RBFOX1: variants seen among roughly 807,000 people sequenced by gnomAD.
The protein encoded by RBFOX1 is RNA binding fox-1 homolog 1.
Under a neutral mutation model 57.7 loss-of-function variants are expected in RBFOX1, and 8 were observed. That is an observed-to-expected ratio of 0.14 (90% CI 0.08 to 0.25). RBFOX1 has a LOEUF of 0.25. Among genes scored for constraint, RBFOX1 ranks in the 10% least tolerant of loss-of-function variants. The probability of loss-of-function intolerance (pLI) is 1.00; values close to 1 mark genes in which losing one functional copy is unlikely to be tolerated. For synonymous variants in RBFOX1, 326 were observed against 222.4 expected, an observed-to-expected ratio of 1.47 and a Z score of -4.15; for missense variants, 611 against 548.5, an observed-to-expected ratio of 1.11 and a Z score of -1.14.
chr16:5,687,818 A>G (rs564482605), intron 3 of RBFOX1, among the ~76,000 whole-genome samples: 68 of 152,268 alleles, frequency 4.5e-4, no homozygotes, highest in African/African-American at 1.4e-3. Context: ...TATGGTCTCA[A>G]TGTTAGGTGG....
chr16:5,793,241 CTTTTGCCCACCGTGG>C (rs556636277), intron 3 of RBFOX1, among the ~76,000 whole-genome samples: 1 of 152,360 alleles, frequency 6.6e-6, no homozygotes, highest in Non-Finnish European at 1.5e-5. Flanking sequence ...TGACCGGCTC[CTTTTGCCCACCGTGG>C]GCAGCCCTGG....
intron 4 of RBFOX1, among the ~76,000 whole-genome samples, chr16:7,256,871 A>G (rs915413345): frequency 6.6e-6 from 1 of 152,088 alleles, no homozygotes; most frequent in Non-Finnish European, 1.5e-5. Context: ...TATCCCCACT[A>G]GGGCATCTGA....
intron 3 of RBFOX1, among the ~76,000 whole-genome samples, chr16:5,834,161 T>C (rs1316919347): frequency 6.6e-6 from 1 of 152,190 alleles, no homozygotes; most frequent in Non-Finnish European, 1.5e-5. Flanking sequence ...ACACGTGGTT[T>C]TTGGTTACAT....
chr16:6,742,286 A>T (rs551813245), intron 3 of RBFOX1, among the ~76,000 whole-genome samples: 6 of 152,302 alleles, frequency 3.9e-5, no homozygotes, highest in Admixed American at 3.3e-4. Context: ...ATAATAACAT[A>T]TCATTATACA....
intron 4 of RBFOX1, among the ~76,000 whole-genome samples, chr16:5,951,750 G>A (rs1490223700): frequency 2.6e-5 from 4 of 151,828 alleles, no homozygotes; most frequent in Non-Finnish European, 5.9e-5. Context: ...CTTACTGCAC[G>A]TTTGAGTATC....
chr16:5,262,287 A>G (rs2062754925), intron 1 of RBFOX1, among the ~76,000 whole-genome samples: 1 of 152,186 alleles, frequency 6.6e-6, no homozygotes, highest in African/African-American at 2.4e-5. Context: ...GCTACACGTT[A>G]TTCTGGATGT....
chr16:6,901,117 A>G (rs1371786998), intron 3 of RBFOX1, among the ~76,000 whole-genome samples: 1 of 152,116 alleles, frequency 6.6e-6, no homozygotes, highest in Non-Finnish European at 1.5e-5. Flanking sequence ...TTTCCTATCG[A>G]CAGGCTTTGT....
At chr16:5,875,816 A>T (rs2057593381) in intron 4 of RBFOX1, among the ~76,000 whole-genome samples, 1 of 151,104 alleles carries the variant, frequency 6.6e-6, no homozygotes, top group Non-Finnish European at 1.5e-5. Context: ...TGTTGCTGTG[A>T]GGTTTGGGGG....
chr16:6,039,711 T>G (rs1442622769), intron 1 of RBFOX1, among the ~76,000 whole-genome samples: 3 of 152,244 alleles, frequency 2.0e-5, no homozygotes, highest in Admixed American at 1.3e-4. Flanking sequence ...CTGCCTTTTA[T>G]GGTGCCTTTT....
Position 6,097,065 on chromosome 16 carries a change from C to CA in RBFOX1, c.-127+77074dup, listed in dbSNP as rs978229510. Among the ~76,000 whole-genome samples the CA allele has an allele frequency of 6.6e-6, 1 of 152,110 alleles. No homozygotes were observed. The highest frequency in any genetic ancestry group is 2.4e-5 in the African/African-American group (1 of 41,422). ...ACTGAATCATGGGGGTGGTTTCCCCCATACTGTTGTCATGGTGGTGAGTAA... is the reference window on the plus strand; with the variant it reads ...ACTGAATCATGGGGGTGGTTTCCCCCAATACTGTTGTCATGGTGGTGAGTAA... On this transcript the variant is annotated intron_variant, in intron 1 of 15. Transcript: ENST00000550418. This position sits in a 1 kb window ranked among gnomAD's most constrained non-coding sequence, Gnocchi z 5.0.
intron 3 of RBFOX1, among the ~76,000 whole-genome samples, chr16:5,629,420 C>T (rs751835666): frequency 1.3e-5 from 2 of 152,224 alleles, no homozygotes; most frequent in African/African-American, 4.8e-5. Context: ...TCCTTTGTGT[C>T]TTCAGGACAT....
At chr16:6,867,324 A>T (rs1230536659) in intron 3 of RBFOX1, among the ~76,000 whole-genome samples, 1 of 151,822 alleles carries the variant, frequency 6.6e-6, no homozygotes, top group African/African-American at 2.4e-5. Flanking sequence ...GGCTCTGATG[A>T]TGGTTTTGTA....
At chr16:5,337,149 G>A (rs1262879524) in intron 1 of RBFOX1, among the ~76,000 whole-genome samples, 1 of 152,202 alleles carries the variant, frequency 6.6e-6, no homozygotes, top group Non-Finnish European at 1.5e-5. Context: ...TTTAGACAGA[G>A]CACATGGCTC....
intron 4 of RBFOX1, among the ~76,000 whole-genome samples, chr16:7,421,045 A>G (rs535570714): frequency 4.6e-5 from 7 of 151,896 alleles, no homozygotes; most frequent in African/African-American, 1.5e-4. Context: ...TTGATGAACC[A>G]TACCTGACTC....
chr16:5,853,266 C>T (rs2056941841), intron 3 of RBFOX1, among the ~76,000 whole-genome samples: 1 of 152,090 alleles, frequency 6.6e-6, no homozygotes, highest in Non-Finnish European at 1.5e-5. Flanking sequence ...GGTCTTCCAG[C>T]CAGACAACCC....
chr16:5,268,990 C>G (rs1295252402), intron 1 of RBFOX1, among the ~76,000 whole-genome samples: 1 of 151,968 alleles, frequency 6.6e-6, no homozygotes, highest in Non-Finnish European at 1.5e-5. Context: ...TCTCAGCTCA[C>G]TGCAACCTCT....
At chr16:7,592,077 G>C (rs756755333) in intron 7 of RBFOX1, among the ~76,000 whole-genome samples, 2 of 152,044 alleles carry the variant, frequency 1.3e-5, no homozygotes, top group African/African-American at 4.8e-5. Context: ...ATTGCCCAAC[G>C]GAACAGGTAG....
At chr16:7,142,513 G>A (rs1356082833) in intron 4 of RBFOX1, among the ~76,000 whole-genome samples, 1 of 152,062 alleles carries the variant, frequency 6.6e-6, no homozygotes, top group Non-Finnish European at 1.5e-5. Context: ...GTGTTTGTAT[G>A]GGCTCTTCCC....
intron 12 of RBFOX1, among the ~76,000 whole-genome samples, chr16:7,661,288 GT>G (rs545286860): frequency 6.6e-6 from 1 of 152,224 alleles, no homozygotes; most frequent in East Asian, 1.9e-4. Context: ...TCATGATGGG[GT>G]TTATAATGGC....
Sources: allele counts gnomAD v4.1 joint callset (sites outside exome capture counted in the v4.1 genomes callset), GRCh38; gene constraint gnomAD v4.1.1; non-coding constraint Gnocchi (gnomAD v3.1); transcripts MANE v1.5; gene names NCBI Gene and HGNC (gene_info 2026-07-23, HGNC 2026-07-21).